SIL1: variants seen among roughly 807,000 people sequenced by gnomAD.
The protein encoded by SIL1 is SIL1 nucleotide exchange factor, also known as nucleotide exchange factor SIL1.
A neutral mutation model predicts 49.1 loss-of-function variants in SIL1; 40 were observed. That is an observed-to-expected ratio of 0.81 (90% CI 0.63 to 1.06). The LOEUF (loss-of-function observed/expected upper bound fraction) is 1.06. SIL1 is among the 50% of genes least tolerant of loss of function. The probability of loss-of-function intolerance (pLI) is 0.00; values close to 1 mark genes in which losing one functional copy is unlikely to be tolerated. For missense variants in SIL1, 500 were observed against 572.6 expected, an observed-to-expected ratio of 0.87 and a Z score of 1.29; for synonymous variants, 253 against 250.8, an observed-to-expected ratio of 1.01 and a Z score of -0.08.
chr5:139,052,231 A>G (rs371110046), intron 3 of SIL1, among the ~76,000 whole-genome samples: 1 of 147,120 alleles, frequency 6.8e-6, no homozygotes, highest in East Asian at 1.9e-4. Flanking sequence ...CAGTCACTCT[A>G]TCCCCAATCA....
In SIL1 at chr5:139,026,881, T is replaced by G. The variant is rs1462420461; in HGVS notation, c.565A>C (p.Ile189Leu). Residue 189 changes from isoleucine to leucine, a missense_variant, in exon 6 of 10, where the codon ATC (isoleucine) becomes CTC (leucine). By Grantham distance (5) the Ile-to-Leu change is conservative. Coordinates refer to ENST00000394817, the MANE Select transcript of SIL1 (RefSeq NM_022464.5). ...ETDMQIMVRL[I>L]NKFNSSSSSL... ...GAGCTGGAACTATTGAACTTGTTGATCAGCCGTACCATGATCTGCATGTCA... is the reference window on the plus strand; with the variant it reads ...GAGCTGGAACTATTGAACTTGTTGAGCAGCCGTACCATGATCTGCATGTCA... 2 of 1,614,118 alleles carry G rather than the reference T, an allele frequency of 1.2e-6. No individual in the cohort carries two copies. The highest frequency in any genetic ancestry group is 1.7e-5 in the Admixed American group (1 of 60,010).
intron 3 of SIL1, among the ~76,000 whole-genome samples, chr5:139,054,390 AC>A (rs1216136247): frequency 6.6e-6 from 1 of 152,216 alleles, no homozygotes; most frequent in Non-Finnish European, 1.5e-5. Flanking sequence ...AGCCTGGGCA[AC>A]AGAGTGAGAA....
At chr5:139,083,757 C>T (rs1428245132) in intron 3 of SIL1, among the ~76,000 whole-genome samples, 4 of 10,318 alleles carry the variant, frequency 3.9e-4, no homozygotes, top group East Asian at 2.3e-3. Flanking sequence ...TCCTTGCCCA[C>T]GCCTATGTCC....
chr5:139,040,326 C>A (rs1269172509), intron 5 of SIL1, among the ~76,000 whole-genome samples: 1 of 152,046 alleles, frequency 6.6e-6, no homozygotes, highest in African/African-American at 2.4e-5. Flanking sequence ...CTTAGCACCT[C>A]AGTGATGGTG....
intron 7 of SIL1, among the ~76,000 whole-genome samples, chr5:138,977,764 C>T (rs1317480690): frequency 2.0e-5 from 3 of 152,172 alleles, no homozygotes; most frequent in African/African-American, 7.2e-5. Context: ...AGGTGCACTG[C>T]CAACTTCGCC....
At chr5:139,114,721 A>C (rs1156531216) in intron 3 of SIL1, among the ~76,000 whole-genome samples, 3 of 152,232 alleles carry the variant, frequency 2.0e-5, no homozygotes, top group South Asian at 2.1e-4. Context: ...AAGTAGCACC[A>C]AAAGTAAGCT....
intron 2 of SIL1, among the ~76,000 whole-genome samples, chr5:139,126,905 G>A (rs552425094): frequency 6.6e-6 from 1 of 152,354 alleles, no homozygotes; most frequent in South Asian, 2.1e-4. Flanking sequence ...GGGGGTTGGG[G>A]AAGGTGGCCA....
At chr5:139,195,378 G>GT (rs925058381) in intron 1 of SIL1, among the ~76,000 whole-genome samples, 21 of 151,608 alleles carry the variant, frequency 1.4e-4, no homozygotes, top group South Asian at 4.2e-4. Context: ...ATTATTCCCA[G>GT]TTTTTTTTGT....
At chr5:139,153,336 C>T (rs967381169) in intron 1 of SIL1, among the ~76,000 whole-genome samples, 1 of 152,184 alleles carries the variant, frequency 6.6e-6, no homozygotes, top group Admixed American at 6.5e-5. Context: ...GCTGCCAGAG[C>T]ACCTGTACTT....
chr5:138,975,826 C>T (rs757778947), intron 7 of SIL1, among the ~76,000 whole-genome samples: 1 of 152,216 alleles, frequency 6.6e-6, no homozygotes, highest in Non-Finnish European at 1.5e-5. Context: ...ACCAGCCAGG[C>T]GTGTAAACTG....
chr5:138,956,359 G>A (rs1198837941), intron 7 of SIL1, among the ~76,000 whole-genome samples: 1 of 152,186 alleles, frequency 6.6e-6, no homozygotes, highest in Admixed American at 6.5e-5. Flanking sequence ...GAATTTGCAG[G>A]ATGTGTAATC....
chr5:139,015,000 T>C (rs1374917559), intron 7 of SIL1, among the ~76,000 whole-genome samples: 2 of 152,304 alleles, frequency 1.3e-5, no homozygotes, highest in East Asian at 1.9e-4. Flanking sequence ...TGGCCTTAGA[T>C]TTTAAAGGGT....
intron 1 of SIL1, among the ~76,000 whole-genome samples, chr5:139,158,844 G>A (rs531074930): frequency 2.6e-5 from 4 of 152,194 alleles, no homozygotes; most frequent in African/African-American, 9.6e-5. Flanking sequence ...AGCTTTCTTT[G>A]CTTAGTCCTA....
chr5:139,019,136 T>G (rs1046276088), intron 7 of SIL1, among the ~76,000 whole-genome samples: 9 of 152,234 alleles, frequency 5.9e-5, no homozygotes, highest in African/African-American at 2.2e-4. Flanking sequence ...AACACCCTCT[T>G]GATAAAGAGC....
intron 6 of SIL1, among the ~76,000 whole-genome samples, chr5:139,024,017 C>A (rs944540865): frequency 5.9e-5 from 9 of 152,278 alleles, no homozygotes; most frequent in Admixed American, 1.3e-4. Context: ...GAAGACACTG[C>A]CAAGTGACAA....
chr5:138,966,613 G>T (rs1767148448), intron 7 of SIL1, among the ~76,000 whole-genome samples: 2 of 152,080 alleles, frequency 1.3e-5, no homozygotes, highest in African/African-American at 4.8e-5. Flanking sequence ...TGACAGAAAT[G>T]CCAAAAACAA....
chr5:139,044,609 CTA>C (rs918055537), intron 4 of SIL1, among the ~76,000 whole-genome samples: 2 of 152,310 alleles, frequency 1.3e-5, no homozygotes, highest in East Asian at 1.9e-4. Flanking sequence ...GCACCTAAGT[CTA>C]TGTTTTCTAC....
chr5:139,071,911 C>T (rs1401729371), intron 3 of SIL1, among the ~76,000 whole-genome samples: 2 of 152,000 alleles, frequency 1.3e-5, no homozygotes, highest in African/African-American at 2.4e-5. Flanking sequence ...ATGGTCCCCC[C>T]GCCTCAGCCT....
At chr5:139,114,095 C>G (rs1770934338) in intron 3 of SIL1, among the ~76,000 whole-genome samples, 1 of 152,252 alleles carries the variant, frequency 6.6e-6, no homozygotes, top group African/African-American at 2.4e-5. Context: ...AGATTGCAAA[C>G]TGGACCCTGG....
Sources: gnomAD v4.1 joint callset for allele counts (sites outside exome capture counted in the v4.1 genomes callset) on GRCh38, gnomAD v4.1.1 for gene constraint, MANE v1.5 for transcripts, NCBI Gene and HGNC (gene_info 2026-07-23, HGNC 2026-07-21) for gene names.